The following CCZ1 variants were observed in gnomAD, a reference collection of about 807,000 sequenced individuals.
The protein encoded by CCZ1 is vacuolar fusion protein CCZ1 homolog.
CCZ1 carries 19 observed loss-of-function variants against 57.8 expected under a neutral mutation model. That is an observed-to-expected ratio of 0.33 (90% confidence interval 0.23 to 0.48). CCZ1 has a LOEUF of 0.48. Ranked by LOEUF, CCZ1 falls within the 20% of genes least tolerant of loss-of-function variation. The pLI, the probability that CCZ1 is intolerant of heterozygous loss-of-function variation, is 0.99. For missense variants in CCZ1, 200 were observed against 492.0 expected (o/e 0.41, Z 5.61); for synonymous variants, 81 against 167.0 (o/e 0.49, Z 3.97).
Position 5,906,271 on chromosome 7 carries a change from T to C in CCZ1, c.698+1002T>C, listed in dbSNP as rs1343735106. ...AAGTCATCAAGGCTTGCAGCTGTTC[T>C]GGGACCCTCAAGTTTTATGTTCCCG... On this transcript the variant is annotated intron_variant, in intron 7 of 14. Coordinates refer to ENST00000325974, the MANE Select transcript of CCZ1 (RefSeq NM_015622.6). Among the ~76,000 whole-genome samples, 4 of 147,042 alleles carry C rather than the reference T, an allele frequency of 2.7e-5. 1 individual carries two copies. The highest frequency in any genetic ancestry group is 6.7e-5 in the Admixed American group (1 of 14,892).
intron 7 of CCZ1, among the ~76,000 whole-genome samples, chr7:5,908,201 A>T (rs1217552919): frequency 2.1e-5 from 3 of 143,476 alleles, no homozygotes; most frequent in African/African-American, 7.9e-5. Context: ...CGTGGTGCAC[A>T]TACCTATAGT....
intron 10 of CCZ1, among the ~76,000 whole-genome samples, chr7:5,914,023 T>A (rs1779103829): frequency 7.0e-6 from 1 of 143,826 alleles, no homozygotes; most frequent in Non-Finnish European, 1.5e-5. Flanking sequence ...CTGGTCAGCC[T>A]TCTGGTTCCC....
At chr7:5,902,504 T>A in intron 5 of CCZ1, 157 bp from the exon 6 acceptor site, 1 of 1,298,820 alleles carries the variant, frequency 7.7e-7, no homozygotes, top group South Asian at 1.8e-5. Context: ...AACTTACATT[T>A]TTAACTCAAG....
At position 5,907,049 on chromosome 7, in the gene CCZ1, T is replaced by C. The variant is rs796953298; in HGVS notation, c.698+1780T>C. Among the ~76,000 whole-genome samples the C allele has an allele frequency of 2.7e-5, 4 of 148,188 alleles. 1 individual carries two copies. The highest frequency in any genetic ancestry group is 7.5e-5 in the African/African-American group (3 of 40,006). On this transcript the variant is annotated intron_variant, in intron 7 of 14. Coordinates refer to ENST00000325974, the MANE Select transcript of CCZ1 (RefSeq NM_015622.6). ...CACCCAGCTAATTTTTTTGTAGAGA[T>C]GGGGTTTTACCATGTTGGCCAGGCT... is the stretch of plus-strand genomic sequence containing the variant.
chr7:5,912,298 C>G (rs1332032911), intron 9 of CCZ1, among the ~76,000 whole-genome samples: 25 of 126,176 alleles, frequency 2.0e-4, no homozygotes, highest in Admixed American at 1.7e-4. Flanking sequence ...ATTGAAATAT[C>G]TTTGTGCCAT....
intron 7 of CCZ1, among the ~76,000 whole-genome samples, chr7:5,907,533 G>C (rs1489348518): frequency 6.8e-6 from 1 of 147,062 alleles, no homozygotes; most frequent in Non-Finnish European, 1.5e-5. Context: ...CTGAGAGTGA[G>C]GAAGAGGGAA....
In CCZ1 at chr7:5,900,544, A is replaced by G. The variant is rs565160061; in HGVS notation, c.290A>G (p.Glu97Gly). 3.1e-5 allele frequency: 49 copies of G among 1,602,314 alleles called. No homozygotes were observed. The highest frequency in any genetic ancestry group is 5.1e-5 in the Admixed American group (3 of 59,102). The change falls in exon 3 of 15, where the codon GAA (glutamate) becomes GGA (glycine). Residue 97 changes from glutamate (E) to glycine (G), a missense_variant. Physicochemically the swap from Glu to Gly is moderately conservative, Grantham distance 98. This residue lies in a region of CCZ1 where 44 missense variants were observed against 122.8 expected (regional missense o/e 0.36). Coordinates refer to ENST00000325974, the MANE Select transcript of CCZ1 (RefSeq NM_015622.6). ...QKNRQFFNEP[E>G]ENFWMVMVVR... ...AACAGACAGTTCTTCAATGAACCAG[A>G]AGAAAATTTCTGGATGGTCATGGTA...
At chr7:5,916,625 T>A (rs1235135124) in intron 10 of CCZ1, among the ~76,000 whole-genome samples, 1 of 147,552 alleles carries the variant, frequency 6.8e-6, no homozygotes, top group East Asian at 1.9e-4. Flanking sequence ...CCATCGAGGA[T>A]GTGTGGCTGT....
At chr7:5,901,614 T>A in intron 4 of CCZ1, 43 bp from the exon 5 acceptor site, 1 of 1,570,480 alleles carries the variant, frequency 6.4e-7, no homozygotes, top group Non-Finnish European at 8.6e-7. Flanking sequence ...AGACATTGTT[T>A]TTCCCTTGAA....
chr7:5,904,109 T>G (rs1781748360), intron 6 of CCZ1, among the ~76,000 whole-genome samples: 2 of 131,418 alleles, frequency 1.5e-5, no homozygotes, highest in Non-Finnish European at 1.6e-5. Flanking sequence ...TTTTTTTTTT[T>G]GAGACAGAAT....
chr7:5,908,017 A>C (rs1461496285), intron 7 of CCZ1, among the ~76,000 whole-genome samples: 2 of 142,218 alleles, frequency 1.4e-5, no homozygotes. Context: ...TTGAGGCTGG[A>C]GAATCACTTG....
At position 5,920,525 on chromosome 7, in the gene CCZ1, G is replaced by A. The variant is rs1242381847; in HGVS notation, c.1106+559G>A. ...CACTCTGTCGCCCAGGCTGGAGTGT[G>A]CAGTGGCTTGATCTTGGCTCACTGC... On this transcript the variant is annotated intron_variant, in intron 12 of 14. Transcript: ENST00000325974. Among the ~76,000 whole-genome samples, 846 of 109,990 alleles carry A rather than the reference G, an allele frequency of 7.7e-3. 3 individuals carry two copies. Among genetic ancestry groups the A allele is most frequent in the South Asian group, 0.02 (77 of 3,914 alleles). The allele number at this position is 109,990 out of a possible 152,430, so 72.2% of individuals were successfully genotyped here. A position where few individuals can be genotyped will look rare whatever the true frequency, so the allele number is the denominator to read the frequency against.
Position 5,914,479 on chromosome 7 carries a change from C to T in CCZ1, c.954+1525C>T, listed in dbSNP as rs1322338873. On this transcript the variant is annotated intron_variant, in intron 10 of 14. Coordinates refer to ENST00000325974, the MANE Select transcript of CCZ1 (RefSeq NM_015622.6). ...CAACAGTTTCATATCCAGCACCAGA[C>T]ATTATGTGACAGTGGAAGAGAGACT... Among the ~76,000 whole-genome samples, 3 of 148,690 alleles carry T rather than the reference C, an allele frequency of 2.0e-5. 1 individual carries two copies. The highest frequency in any genetic ancestry group is 6.6e-5 in the Admixed American group (1 of 15,068).
Position 5,911,929 on chromosome 7 carries a change from C to T in CCZ1, c.842+7C>T. ...ATCTTCAACACTATGGAAGGTAGGA[C>T]TTCTGTTCTTTGATTTATGATACTG... On this transcript the variant is annotated splice_region_variant and intron_variant, in intron 9 of 14. Coordinates refer to ENST00000325974, the MANE Select transcript of CCZ1 (RefSeq NM_015622.6). 1.3e-6 allele frequency: 2 copies of T among 1,570,152 alleles called. No individual in the cohort carries two copies. The highest frequency in any genetic ancestry group is 1.7e-6 in the Non-Finnish European group (2 of 1,161,632).
rs1583198978 is a variant in CCZ1, at chr7:5,926,381, TTCTTGCTGGTGATGG to T, written c.*704_*718del. 6.8e-6 allele frequency: 10 copies of T among 1,469,752 alleles called. No individual in the cohort carries two copies. The East Asian group carries it at 6.9e-5, about 10-fold the overall frequency. 91.0% of individuals were successfully genotyped at this position (1,469,752 alleles called of 1,614,324 possible). On this transcript the variant is annotated 3_prime_UTR_variant, in exon 15 of 15. Transcript: ENST00000325974. ...CCTCGTGTCTCTCTACTTTTTCTTC[TTCTTGCTGGTGATGG>T]TCTTGCTGGATGGGGACACGGTCAC...
At chr7:5,905,902 C>CTTTT (rs148585423) in intron 7 of CCZ1, among the ~76,000 whole-genome samples, 2,445 of 92,972 alleles carry the variant, frequency 0.026, 29 homozygotes, top group African/African-American at 0.046. Flanking sequence ...ATTTTTATAC[C>CTTTT]TTTTTTTTTT....
In CCZ1 at chr7:5,900,582, G is replaced by A; in HGVS notation, c.312+16G>A. ...GATGGTCATGGTATTTACATACACA[G>A]TGTATCTTTCTGAAATTGTATGGTG... On this transcript the variant is annotated intron_variant, in intron 3 of 14. Coordinates refer to ENST00000325974, the MANE Select transcript of CCZ1 (RefSeq NM_015622.6). 3.1e-6 allele frequency: 5 copies of A among 1,595,972 alleles called. No individual in the cohort carries two copies. The highest frequency in any genetic ancestry group is 4.3e-6 in the Non-Finnish European group (5 of 1,175,858).
At position 5,923,993 on chromosome 7, in the gene CCZ1, TGAG is replaced by T; in HGVS notation, c.1393+32_1393+34del. ...TAGGATTTGGTATTTCAGGAGAATTTGAGAAGTTGTCTTTTCATTGCATTAAGA... is the reference window on the plus strand; with the variant it reads ...TAGGATTTGGTATTTCAGGAGAATTTAAGTTGTCTTTTCATTGCATTAAGA... On this transcript the variant is annotated intron_variant, in intron 14 of 14. Coordinates refer to ENST00000325974, the MANE Select transcript of CCZ1 (RefSeq NM_015622.6). The T allele has an allele frequency of 3.6e-6, 4 of 1,116,274 alleles. No homozygotes were observed. In the South Asian group the frequency reaches 4.7e-5, roughly 13 times the overall value. 69.1% of individuals were successfully genotyped at this position (1,116,274 alleles called of 1,614,324 possible). A position where few individuals can be genotyped will look rare whatever the true frequency, so the allele number is the denominator to read the frequency against.
In CCZ1 at chr7:5,908,880, C is replaced by T. The variant is rs559055316; in HGVS notation, c.699-1155C>T. Among the ~76,000 whole-genome samples the T allele has an allele frequency of 1.5e-4, 22 of 147,342 alleles. No homozygotes were observed. The South Asian group carries it at 3.4e-3, about 23-fold the overall frequency. On this transcript the variant is annotated intron_variant, in intron 7 of 14. Coordinates refer to ENST00000325974, the MANE Select transcript of CCZ1 (RefSeq NM_015622.6). ...TTTTCTCCTCCTCCTCTTTCTTCACCGAAGATCCGGAGAATTAAAATCCAT... is the reference window on the plus strand; with the variant it reads ...TTTTCTCCTCCTCCTCTTTCTTCACTGAAGATCCGGAGAATTAAAATCCAT...
Sources: gnomAD v4.1 joint callset for allele counts (sites outside exome capture counted in the v4.1 genomes callset) on GRCh38, gnomAD v4.1.1 for gene constraint, gnomAD v4.1.1 regional missense constraint, MANE v1.5 for transcripts, NCBI Gene and HGNC (gene_info 2026-07-23, HGNC 2026-07-21) for gene names.